TTC28: variants seen among roughly 807,000 people sequenced by gnomAD.
TTC28 encodes tetratricopeptide repeat protein 28.
A neutral mutation model predicts 198.0 loss-of-function variants in TTC28; 61 were observed. The observed-to-expected ratio is 0.31, with a 90% confidence interval of 0.25 to 0.38. The LOEUF is 0.38. Ranked by LOEUF, TTC28 falls within the 10% of genes least tolerant of loss-of-function variation. TTC28 has a pLI of 1.00. For synonymous variants in TTC28, 1,171 were observed against 1,297.8 expected (o/e 0.90, Z 2.10); for missense variants, 2,678 against 3,164.0 (o/e 0.85, Z 3.69).
At chr22:28,251,964 A>G (rs1430445791) in intron 5 of TTC28, among the ~76,000 whole-genome samples, 1 of 152,206 alleles carries the variant, frequency 6.6e-6, no homozygotes, top group Non-Finnish European at 1.5e-5. Context: ...TTCAGCTAAT[A>G]ATTTTTTTAG....
At chr22:28,477,626 G>T (rs1460394453) in intron 2 of TTC28, among the ~76,000 whole-genome samples, 1 of 152,172 alleles carries the variant, frequency 6.6e-6, no homozygotes, top group East Asian at 1.9e-4. Flanking sequence ...ATCATTTGTG[G>T]TAGATAGATT....
intron 2 of TTC28, among the ~76,000 whole-genome samples, chr22:28,370,702 A>T (rs148482668): frequency 6.6e-6 from 1 of 152,328 alleles, no homozygotes; most frequent in East Asian, 1.9e-4. Flanking sequence ...AAATAGTGAA[A>T]GAGAGTAGTA....
chr22:28,108,463 G>T, intron 6 of TTC28, 60 bp from the exon 7 acceptor site: 1 of 1,339,636 alleles, frequency 7.5e-7, no homozygotes, highest in Non-Finnish European at 9.6e-7. Flanking sequence ...AATGTAGAAA[G>T]AAATGTAATT....
At chr22:28,534,668 G>GTCCATCAA (rs1424670581) in intron 2 of TTC28, among the ~76,000 whole-genome samples, 3 of 152,164 alleles carry the variant, frequency 2.0e-5, no homozygotes, top group African/African-American at 7.2e-5. Context: ...CAACCCAAAT[G>GTCCATCAA]TCCATCAATG....
intron 2 of TTC28, among the ~76,000 whole-genome samples, chr22:28,408,641 G>A (rs779527565): frequency 5.9e-5 from 9 of 152,072 alleles, no homozygotes; most frequent in Non-Finnish European, 1.0e-4. Context: ...CACCTGCGTC[G>A]GCCTCCCAAA....
intron 2 of TTC28, among the ~76,000 whole-genome samples, chr22:28,473,140 A>T (rs983454688): frequency 1.3e-5 from 2 of 152,200 alleles, no homozygotes; most frequent in Admixed American, 6.5e-5. Context: ...TTTACACTAT[A>T]ATGAAATAAA....
chr22:28,156,454 A>C (rs1225362686), intron 6 of TTC28, among the ~76,000 whole-genome samples: 8 of 151,992 alleles, frequency 5.3e-5, no homozygotes, highest in Non-Finnish European at 1.2e-4. Flanking sequence ...CTGATTTTAG[A>C]CTCCTGACCT....
intron 7 of TTC28, 45 bp from the exon 8 acceptor site, chr22:28,105,847 G>C: frequency 6.7e-7 from 1 of 1,496,860 alleles, no homozygotes; most frequent in Non-Finnish European, 8.9e-7. Context: ...TTTCATGCAG[G>C]TGCAGACATG....
chr22:28,235,887 A>G (rs1006120078), intron 5 of TTC28, among the ~76,000 whole-genome samples: 2 of 152,230 alleles, frequency 1.3e-5, no homozygotes, highest in Non-Finnish European at 2.9e-5. Flanking sequence ...TCTTCTTTGT[A>G]TGGTTTCAGG....
chr22:27,993,129 G>A (rs140583807), intron 18 of TTC28, 158 bp downstream of exon 18: 56 of 664,096 alleles, frequency 8.4e-5, no homozygotes, highest in Middle Eastern at 4.3e-4. Context: ...TCCAGGTGTG[G>A]AGATGCTTGT....
At chr22:28,327,003 C>T (rs1297471984) in intron 2 of TTC28, among the ~76,000 whole-genome samples, 1 of 151,658 alleles carries the variant, frequency 6.6e-6, no homozygotes, top group Non-Finnish European at 1.5e-5. Context: ...CACACACACA[C>T]ACACACACAC....
At chr22:28,167,084 A>C (rs1256187841) in intron 5 of TTC28, among the ~76,000 whole-genome samples, 2 of 152,210 alleles carry the variant, frequency 1.3e-5, no homozygotes, top group Non-Finnish European at 2.9e-5. Flanking sequence ...GAAATGGATA[A>C]ATTCCTCGAC....
intron 2 of TTC28, among the ~76,000 whole-genome samples, chr22:28,329,256 C>A (rs1429049173): frequency 2.0e-5 from 3 of 152,056 alleles, no homozygotes; most frequent in Non-Finnish European, 4.4e-5. Flanking sequence ...TGCATGCAGA[C>A]ACAAAGCTTA....
At chr22:28,219,311 C>T (rs561198123) in intron 5 of TTC28, among the ~76,000 whole-genome samples, 3 of 152,208 alleles carry the variant, frequency 2.0e-5, no homozygotes, top group African/African-American at 7.2e-5. Context: ...GAGTTCGAGA[C>T]CAGCCTGACC....
At chr22:28,635,234 T>C (rs566425749) in intron 1 of TTC28, among the ~76,000 whole-genome samples, 11 of 152,184 alleles carry the variant, frequency 7.2e-5, no homozygotes, top group African/African-American at 2.4e-4. Context: ...GGCAGGAGAA[T>C]GGCATGAACC....
intron 9 of TTC28, among the ~76,000 whole-genome samples, 183 bp from the exon 10 acceptor site, chr22:28,099,227 G>T (rs1051920559): frequency 6.6e-6 from 1 of 152,188 alleles, no homozygotes; most frequent in Non-Finnish European, 1.5e-5. Flanking sequence ...AGAATAGGCC[G>T]AGGCAGACAT....
intron 2 of TTC28, among the ~76,000 whole-genome samples, chr22:28,370,701 AAG>A (rs2145988756): frequency 6.6e-6 from 1 of 152,320 alleles, no homozygotes; most frequent in African/African-American, 2.4e-5. Context: ...GAAATAGTGA[AAG>A]AGAGTAGTAG....
intron 2 of TTC28, among the ~76,000 whole-genome samples, chr22:28,434,139 T>C (rs1376323351): frequency 6.6e-6 from 1 of 151,746 alleles, no homozygotes; most frequent in African/African-American, 2.4e-5. Flanking sequence ...GAAAGAAAAA[T>C]AAAAACCATA....
intron 5 of TTC28, among the ~76,000 whole-genome samples, chr22:28,179,466 G>A (rs1007836156): frequency 5.9e-5 from 9 of 152,172 alleles, no homozygotes; most frequent in Non-Finnish European, 7.4e-5. Context: ...GGCCTAGGGC[G>A]GTTTTTAAGG....
Sources: gnomAD v4.1 joint callset for allele counts (sites outside exome capture counted in the v4.1 genomes callset) on GRCh38, gnomAD v4.1.1 for gene constraint, MANE v1.5 for transcripts, NCBI Gene and HGNC (gene_info 2026-07-23, HGNC 2026-07-21) for gene names.